The following BCL11A variants were observed in gnomAD, a reference collection of about 807,000 sequenced individuals.
BCL11A encodes the protein BCL11 transcription factor A.
In BCL11A, 2 loss-of-function variants were observed where a neutral mutation model predicts 55.9. The observed-to-expected ratio is 0.04, with a 90% CI of 0.01 to 0.11. The LOEUF (loss-of-function observed/expected upper bound fraction) is 0.11. Among genes scored for constraint, BCL11A ranks in the 10% least tolerant of loss-of-function variants. The pLI is 1.00. For synonymous variants in BCL11A, 465 were observed against 473.4 expected (o/e 0.98, Z 0.23); for missense variants, 817 against 1,137.1 (o/e 0.72, Z 4.05).
intron 1 of BCL11A, among the ~76,000 whole-genome samples, chr2:60,548,583 CT>C (rs1355627612): frequency 6.6e-6 from 1 of 152,144 alleles, no homozygotes; most frequent in Non-Finnish European, 1.5e-5. Flanking sequence ...AGGCAAAGTT[CT>C]TGAAAATAAC....
chr2:60,463,977 A>T (rs1234582009), intron 3 of BCL11A, among the ~76,000 whole-genome samples: 1 of 152,130 alleles, frequency 6.6e-6, no homozygotes, highest in African/African-American at 2.4e-5. Context: ...GAATTAATCA[A>T]TTATATGATG....
chr2:60,479,256 G>A (rs956736347), intron 2 of BCL11A, among the ~76,000 whole-genome samples: 4 of 152,202 alleles, frequency 2.6e-5, no homozygotes, highest in African/African-American at 9.7e-5. Flanking sequence ...CCACCTAGCA[G>A]GTCCACGTGG....
chr2:60,530,867 G>C (rs1276059196), intron 2 of BCL11A, among the ~76,000 whole-genome samples: 1 of 151,796 alleles, frequency 6.6e-6, no homozygotes, highest in South Asian at 2.1e-4. Flanking sequence ...TACCTCTTTC[G>C]AGCTCCTAAA....
At chr2:60,540,990 GTGGTT>G (rs1301100795) in intron 2 of BCL11A, among the ~76,000 whole-genome samples, 4 of 144,554 alleles carry the variant, frequency 2.8e-5, no homozygotes, top group African/African-American at 5.3e-5. Context: ...GTGTGTGTGT[GTGGTT>G]ATTTTGTTTT....
intron 3 of BCL11A, among the ~76,000 whole-genome samples, chr2:60,467,720 C>CTGGTGGTGATGGTGG (rs1676868744): frequency 7.5e-5 from 2 of 26,810 alleles, no homozygotes; most frequent in Non-Finnish European, 1.6e-4. Context: ...GGTGATGGTA[C>CTGGTGGTGATGGTGG]TGGTGGTGAT....
In BCL11A at chr2:60,468,932, A is replaced by G. The variant is rs1051156288; in HGVS notation, c.386-99T>C. 13 of 735,174 alleles carry G rather than the reference A, an allele frequency of 1.8e-5. No individual in the cohort carries two copies. The African/African-American group carries it at 1.8e-4, about 10-fold the overall frequency. The allele number at this position is 735,174 out of a possible 1,614,324, so 45.5% of individuals were successfully genotyped here. A position where few individuals can be genotyped will look rare whatever the true frequency, so the allele number is the denominator to read the frequency against. On this transcript the variant is annotated intron_variant, in intron 2 of 3. Transcript: ENST00000642384. ...CAATTCCATTAAAATAGATTACAACATCATTACAACAGCCTTGCAGATAGT... is the reference window on the plus strand; with the variant it reads ...CAATTCCATTAAAATAGATTACAACGTCATTACAACAGCCTTGCAGATAGT...
At chr2:60,473,060 CAT>C (rs1677299999) in intron 2 of BCL11A, among the ~76,000 whole-genome samples, 1 of 146,110 alleles carries the variant, frequency 6.8e-6, no homozygotes, top group African/African-American at 2.4e-5. Flanking sequence ...TGAGCATGTG[CAT>C]GTGTGTATAT....
At chr2:60,545,216 A>C (rs531114124) in intron 2 of BCL11A, 1 of 152,432 alleles carries the variant, frequency 6.6e-6, no homozygotes, top group South Asian at 2.1e-4. Context: ...GGCAGGCTGC[A>C]GGGAGCAGCC....
At chr2:60,526,696 G>C (rs1169616673) in intron 2 of BCL11A, 1 of 152,118 alleles carries the variant, frequency 6.6e-6, no homozygotes, top group African/African-American at 2.4e-5. Context: ...ATGTCAGGAG[G>C]GTGTTAAAGA....
chr2:60,506,557 G>A (rs1190838754), intron 2 of BCL11A, among the ~76,000 whole-genome samples: 1 of 152,134 alleles, frequency 6.6e-6, no homozygotes, highest in East Asian at 1.9e-4. Context: ...CTGAGTCCAG[G>A]AAAGCCCTGG....
rs1676142146 is a variant in BCL11A, at chr2:60,459,948, CTT to C, written c.*454_*455del. 1.9e-6 allele frequency: 2 copies of C among 1,060,332 alleles called. No individual in the cohort carries two copies. The highest frequency in any genetic ancestry group is 5.2e-5 in the East Asian group (1 of 19,168). 65.7% of individuals were successfully genotyped at this position (1,060,332 alleles called of 1,614,324 possible). A position where few individuals can be genotyped will look rare whatever the true frequency, so the allele number is the denominator to read the frequency against. ...GCATGGTCTTTTTCTCTCTCTCTCT[CTT>C]TTTCTCTCAGAACGGAACTGGAAAC... On this transcript the variant is annotated 3_prime_UTR_variant, in exon 4 of 4. Transcript: ENST00000642384.
intron 2 of BCL11A, among the ~76,000 whole-genome samples, chr2:60,512,412 A>G (rs940507347): frequency 6.6e-6 from 1 of 152,194 alleles, no homozygotes; most frequent in Admixed American, 6.5e-5. Context: ...GCTCTCAGGT[A>G]TAAAGGATCT....
At chr2:60,524,084 T>A (rs1285803418) in intron 2 of BCL11A, among the ~76,000 whole-genome samples, 2 of 152,222 alleles carry the variant, frequency 1.3e-5, no homozygotes, top group Non-Finnish European at 2.9e-5. Context: ...GGTATCTTCA[T>A]TTATCATCCG....
Position 60,458,480 on chromosome 2 carries a change from G to C in BCL11A, c.*1924C>G, listed in dbSNP as rs1390557556. 6.8e-6 allele frequency: 7 copies of C among 1,029,956 alleles called. No homozygotes were observed. Among genetic ancestry groups the C allele is most frequent in the Non-Finnish European group, 8.2e-6 (7 of 856,076 alleles). The allele number at this position is 1,029,956 out of a possible 1,614,324, so 63.8% of individuals were successfully genotyped here. A position where few individuals can be genotyped will look rare whatever the true frequency, so the allele number is the denominator to read the frequency against. On this transcript the variant is annotated 3_prime_UTR_variant, in exon 4 of 4. Transcript: ENST00000642384. ...AAAAGTTTTGTACAAAAAAATCCTT[G>C]CACTGTAGAAGCGAAAGCAATCATT...
intron 2 of BCL11A, among the ~76,000 whole-genome samples, chr2:60,506,868 TA>T (rs1215619525): frequency 6.6e-6 from 1 of 152,214 alleles, no homozygotes; most frequent in Non-Finnish European, 1.5e-5. Context: ...TTAATGTAAT[TA>T]AATTGCTACC....
At chr2:60,540,731 A>T (rs866331406) in intron 2 of BCL11A, among the ~76,000 whole-genome samples, 4 of 152,278 alleles carry the variant, frequency 2.6e-5, no homozygotes, top group South Asian at 4.1e-4. Context: ...TAAGCATCCA[A>T]CTCGCCTCCT....
At chr2:60,453,757 C>G (rs969860317), downstream of BCL11A, among the ~76,000 whole-genome samples, 2 of 152,218 alleles carry the variant, frequency 1.3e-5, no homozygotes, top group Non-Finnish European at 2.9e-5. Flanking sequence ...CACAGCCCCC[C>G]TATGGGTTTA....
chr2:60,538,062 A>G (rs1310564245), intron 2 of BCL11A: 1 of 152,238 alleles, frequency 6.6e-6, no homozygotes, highest in East Asian at 1.9e-4. Flanking sequence ...CCCACTGGGA[A>G]TTCTCTGGCA....
chr2:60,552,218 G>T (rs1670441109), intron 1 of BCL11A, among the ~76,000 whole-genome samples: 1 of 152,238 alleles, frequency 6.6e-6, no homozygotes, highest in East Asian at 1.9e-4. Context: ...TTGGGGGCAA[G>T]AAATTGTACA....
Sources: gnomAD v4.1 joint callset for allele counts (sites outside exome capture counted in the v4.1 genomes callset) on GRCh38, gnomAD v4.1.1 for gene constraint, MANE v1.5 for transcripts, NCBI Gene and HGNC (gene_info 2026-07-23, HGNC 2026-07-21) for gene names.